The following KANSL1 variants were observed in gnomAD, a reference collection of about 807,000 sequenced individuals.
The protein encoded by KANSL1 is MLL1/MLL complex subunit KANSL1.
KANSL1 carries 22 observed loss-of-function variants against 103.6 expected under a neutral mutation model. The observed-to-expected ratio is 0.21, with a 90% CI of 0.15 to 0.30. KANSL1 has a LOEUF of 0.30. KANSL1 is among the 10% of genes least tolerant of loss of function. The probability of loss-of-function intolerance (pLI) is 1.00; values close to 1 mark genes in which losing one functional copy is unlikely to be tolerated. For missense variants in KANSL1, 1,337 were observed against 1,399.8 expected (o/e 0.96, Z 0.72); for synonymous variants, 600 against 527.6 (o/e 1.14, Z -1.88).
intron 2 of KANSL1, among the ~76,000 whole-genome samples, chr17:46,130,091 C>T (rs1026047565): frequency 4.7e-5 from 7 of 148,830 alleles, no homozygotes; most frequent in East Asian, 2.0e-4. Flanking sequence ...GAGGCTGAGA[C>T]GGGAGAATCA....
chr17:46,125,041 G>A (rs979395866), intron 2 of KANSL1, among the ~76,000 whole-genome samples: 1 of 72,608 alleles, frequency 1.4e-5, no homozygotes, highest in Non-Finnish European at 2.7e-5. Flanking sequence ...GGTAGGGAGG[G>A]AGGGAGGAGG....
intron 2 of KANSL1, among the ~76,000 whole-genome samples, chr17:46,157,173 A>G (rs2045476833): frequency 1.3e-5 from 2 of 152,242 alleles, no homozygotes; most frequent in South Asian, 2.1e-4. Flanking sequence ...ACTATCCTCA[A>G]TGATGACACA....
chr17:46,031,954 AG>A (rs1410356273), intron 14 of KANSL1, 92 bp downstream of exon 14: 16 of 1,556,452 alleles, frequency 1.0e-5, no homozygotes, highest in Non-Finnish European at 1.8e-6. Context: ...CAAAAGGGGG[AG>A]GGGATGGCTA....
intron 10 of KANSL1, chr17:46,035,448 C>T (rs2077120396): frequency 6.6e-6 from 1 of 152,246 alleles, no homozygotes; most frequent in South Asian, 2.1e-4. Context: ...GCCAGAGTTT[C>T]AGTCACTGTC....
upstream of KANSL1, among the ~76,000 whole-genome samples, chr17:46,194,059 T>TCGG (rs1555588889): frequency 3.4e-5 from 5 of 148,082 alleles, no homozygotes; most frequent in Admixed American, 2.7e-4. Context: ...TTGGGCGGGG[T>TCGG]GGGGAGGGTG....
intron 2 of KANSL1, among the ~76,000 whole-genome samples, chr17:46,164,274 C>T (rs1249812159): frequency 6.6e-6 from 1 of 152,180 alleles, no homozygotes; most frequent in Non-Finnish European, 1.5e-5. Context: ...TGGGTAACAC[C>T]CAAATTCCTG....
intron 1 of KANSL1, among the ~76,000 whole-genome samples, 152 bp from the exon 2 acceptor site, chr17:46,172,384 C>T (rs977566086): frequency 1.3e-5 from 2 of 152,210 alleles, no homozygotes; most frequent in East Asian, 3.9e-4. Flanking sequence ...TTCTAGAGAC[C>T]CAAATATCTT....
At chr17:46,072,297 A>T (rs2078607724) in intron 4 of KANSL1, among the ~76,000 whole-genome samples, 1 of 152,160 alleles carries the variant, frequency 6.6e-6, no homozygotes, top group Non-Finnish European at 1.5e-5. Flanking sequence ...CTCTACCTGC[A>T]AATATGTATT....
intron 6 of KANSL1, among the ~76,000 whole-genome samples, chr17:46,053,740 A>T (rs370227687): frequency 6.6e-6 from 1 of 152,200 alleles, no homozygotes. Flanking sequence ...GGCCAAAGAT[A>T]TATTTAATAC....
chr17:46,120,556 C>T (rs2043234509), intron 2 of KANSL1, among the ~76,000 whole-genome samples: 1 of 152,052 alleles, frequency 6.6e-6, no homozygotes, highest in Non-Finnish European at 1.5e-5. Context: ...AAAAGACAGA[C>T]CCCCAGAAAT....
At position 46,030,348 on chromosome 17, in the gene KANSL1, A is replaced by C. The variant is rs1375958374; in HGVS notation, c.*1128T>G. 1 of 151,940 alleles carries C rather than the reference A, an allele frequency of 6.6e-6. No homozygotes were observed. Among genetic ancestry groups the C allele is most frequent in the Non-Finnish European group, 1.5e-5 (1 of 67,976 alleles). The allele number at this position is 151,940 out of a possible 1,614,324, so 9.4% of individuals were successfully genotyped here. On this transcript the variant is annotated 3_prime_UTR_variant, in exon 15 of 15. Transcript: ENST00000432791. ...CCCAACCATTAAGCAGTTGTCTACT[A>C]TTTTTATACGATTACAAAATGGCCA... is the stretch of plus-strand genomic sequence containing the variant.
At chr17:46,134,324 G>C (rs1476786442) in intron 2 of KANSL1, among the ~76,000 whole-genome samples, 1 of 152,158 alleles carries the variant, frequency 6.6e-6, no homozygotes, top group African/African-American at 2.4e-5. Flanking sequence ...TTGGACCCTG[G>C]AGGTGGAAGT....
At chr17:46,071,146 G>C (rs563867719) in intron 4 of KANSL1, among the ~76,000 whole-genome samples, 2 of 152,190 alleles carry the variant, frequency 1.3e-5, no homozygotes, top group African/African-American at 2.4e-5. Context: ...ATAGAAACCT[G>C]AATCTTCCTG....
At chr17:46,091,391 A>T (rs926816604) in intron 3 of KANSL1, among the ~76,000 whole-genome samples, 1 of 152,250 alleles carries the variant, frequency 6.6e-6, no homozygotes, top group African/African-American at 2.4e-5. Flanking sequence ...AAAAAGTTAT[A>T]GTAAGCTAAG....
chr17:46,139,600 GT>G (rs2044319553), intron 2 of KANSL1, among the ~76,000 whole-genome samples: 1 of 152,108 alleles, frequency 6.6e-6, no homozygotes, highest in Admixed American at 6.5e-5. Context: ...TCTACTTCTT[GT>G]TTTAACCAAT....
At chr17:46,080,926 A>T (rs2078967762) in intron 4 of KANSL1, among the ~76,000 whole-genome samples, 1 of 152,198 alleles carries the variant, frequency 6.6e-6, no homozygotes, top group Non-Finnish European at 1.5e-5. Context: ...GGCCAACACA[A>T]AGGGAAAGAT....
At chr17:46,071,518 G>A (rs754373573) in intron 4 of KANSL1, among the ~76,000 whole-genome samples, 4 of 152,150 alleles carry the variant, frequency 2.6e-5, no homozygotes, top group Admixed American at 6.5e-5. Flanking sequence ...TTAAATGCAG[G>A]CACTCTCCCT....
intron 6 of KANSL1, among the ~76,000 whole-genome samples, chr17:46,055,396 C>T (rs2077886507): frequency 6.6e-6 from 1 of 150,860 alleles, no homozygotes; most frequent in Non-Finnish European, 1.5e-5. Flanking sequence ...ACCCAGGAGG[C>T]AGACGTTACA....
chr17:46,198,831 TTC>T (rs2047702104), upstream of KANSL1, among the ~76,000 whole-genome samples: 1 of 152,222 alleles, frequency 6.6e-6, no homozygotes, highest in African/African-American at 2.4e-5. Context: ...TAAAAACATA[TTC>T]TGAGAATGAT....
Sources: gnomAD v4.1 joint callset for allele counts (sites outside exome capture counted in the v4.1 genomes callset) on GRCh38, gnomAD v4.1.1 for gene constraint, MANE v1.5 for transcripts, NCBI Gene and HGNC (gene_info 2026-07-23, HGNC 2026-07-21) for gene names.